The following MAP3K4 variants were observed in gnomAD, a reference collection of about 807,000 sequenced individuals.
MAP3K4 encodes the protein MAP three kinase 1.
A neutral mutation model predicts 185.6 loss-of-function variants in MAP3K4; 67 were observed. The ratio of observed to expected loss-of-function variants is 0.36; its 90% CI spans 0.30 to 0.44. MAP3K4 has a LOEUF of 0.44. Ranked by LOEUF, MAP3K4 falls within the 20% of genes least tolerant of loss-of-function variation. The pLI is 1.00. For missense variants in MAP3K4, 1,551 were observed against 1,995.1 expected (o/e 0.78, Z 4.24); for synonymous variants, 702 against 710.4 (o/e 0.99, Z 0.19).
chr6:161,107,475 G>A lies in MAP3K4; in HGVS notation c.4049-424G>A, dbSNP rs1009349846. 1.3e-5 allele frequency among the ~76,000 whole-genome samples: 2 copies of A among 152,294 alleles called. No homozygotes were observed. Among genetic ancestry groups the A allele is most frequent in the South Asian group, 2.1e-4 (1 of 4,814 alleles). On this transcript the variant is annotated intron_variant, in intron 20 of 26. Coordinates refer to ENST00000392142, the MANE Select transcript of MAP3K4 (RefSeq NM_005922.4). The surrounding 1 kb of genome is among the most constrained non-coding windows in gnomAD (Gnocchi z 6.2). ...GTCCCAGAAGGTATGTTAGGGGAAT[G>A]TTTGCTCCCACACACTCCTGGACAT...
At position 161,091,993 on chromosome 6, in the gene MAP3K4, A is replaced by G. The variant is rs777351159; in HGVS notation, c.3136-17A>G. On this transcript the variant is annotated splice_polypyrimidine_tract_variant and intron_variant, in intron 12 of 26. Transcript: ENST00000392142. The surrounding 1 kb of genome is among the most constrained non-coding windows in gnomAD (Gnocchi z 5.5). ...GATCATTTCCTTAATGTTGATATAC[A>G]TGAAATCTTCTTACAGTATCATAAA... The G allele has an allele frequency of 6.2e-7, 1 of 1,601,612 alleles. No homozygotes were observed.
rs1428180742 is a variant in MAP3K4 at position 161,073,044 on chromosome 6, G to T, written c.1951-422G>T. On this transcript the variant is annotated intron_variant, in intron 4 of 26. Coordinates refer to ENST00000392142, the MANE Select transcript of MAP3K4 (RefSeq NM_005922.4). This position sits in a 1 kb window ranked among gnomAD's most constrained non-coding sequence, Gnocchi z 4.2. ...AATTATTGCGAAGGCCACCTGCTTT[G>T]TGGTAAAAAGTACCTTTGAATCTTT... Among the ~76,000 whole-genome samples, 1 of 152,040 alleles carries T rather than the reference G, an allele frequency of 6.6e-6. No individual in the cohort carries two copies. Among genetic ancestry groups the T allele is most frequent in the African/African-American group, 2.4e-5 (1 of 41,414 alleles).
rs1471700127 is a variant in MAP3K4, at chr6:161,037,609, T to A, written c.343+3160T>A. Among the ~76,000 whole-genome samples the A allele has an allele frequency of 6.6e-6, 1 of 151,984 alleles. No homozygotes were observed. The highest frequency in any genetic ancestry group is 1.5e-5 in the Non-Finnish European group (1 of 67,976). The stretch of plus-strand genomic sequence containing the variant: ...AATTTTGTATTTTTGGTAGAGACGA[T>A]GTTTCGCTATGTTGGCCAGGCTGGT... On this transcript the variant is annotated intron_variant, in intron 2 of 26. Transcript: ENST00000392142. The surrounding 1 kb of genome is among the most constrained non-coding windows in gnomAD (Gnocchi z 4.2).
chr6:161,028,196 A>G (rs1005893558), intron 1 of MAP3K4, among the ~76,000 whole-genome samples: 2 of 152,142 alleles, frequency 1.3e-5, no homozygotes, highest in African/African-American at 4.8e-5. Flanking sequence ...CTGCCACAGT[A>G]TATTTTTTTT....
At chr6:161,068,377 G>A (rs1285874232) in intron 3 of MAP3K4, among the ~76,000 whole-genome samples, 4 of 152,176 alleles carry the variant, frequency 2.6e-5, no homozygotes, top group African/African-American at 9.7e-5. Context: ...AACACTGTCT[G>A]CAGATCAGAA....
rs546158409 is a variant in MAP3K4 at position 161,053,210 on chromosome 6, G to A, written c.1707+3231G>A. On this transcript the variant is annotated intron_variant, in intron 3 of 26. Coordinates refer to ENST00000392142, the MANE Select transcript of MAP3K4 (RefSeq NM_005922.4). The surrounding 1 kb of genome is among the most constrained non-coding windows in gnomAD (Gnocchi z 4.2). ...CAGGCACTTCTCATGGCTGGAGCAC[G>A]GGCAGGGTGAAGGTGCTCCATTCTT... is the stretch of plus-strand genomic sequence containing the variant. 7.2e-5 allele frequency among the ~76,000 whole-genome samples: 11 copies of A among 152,234 alleles called. No homozygotes were observed. Among genetic ancestry groups the A allele is most frequent in the East Asian group, 1.9e-4 (1 of 5,180 alleles).
intron 3 of MAP3K4, among the ~76,000 whole-genome samples, chr6:161,066,107 CTTTG>C (rs1468780668): frequency 6.6e-6 from 1 of 151,980 alleles, no homozygotes; most frequent in African/African-American, 2.4e-5. Context: ...TGGCTTTTCT[CTTTG>C]TTTGCTATTT....
At chr6:161,062,018 C>T (rs1050118576) in intron 3 of MAP3K4, among the ~76,000 whole-genome samples, 11 of 152,008 alleles carry the variant, frequency 7.2e-5, no homozygotes, top group Admixed American at 5.2e-4. Context: ...ATGTTTTATA[C>T]TTCTGTTTTT....
Position 161,093,921 on chromosome 6 carries a change from C to CA in MAP3K4, c.3427+71dup. 8.5e-7 allele frequency: 1 copy of CA among 1,178,940 alleles called. No individual in the cohort carries two copies. The highest frequency in any genetic ancestry group is 1.3e-6 in the Non-Finnish European group (1 of 796,946). 73.0% of individuals were successfully genotyped at this position (1,178,940 alleles called of 1,614,324 possible). On this transcript the variant is annotated intron_variant, in intron 15 of 26. Transcript: ENST00000392142. This position sits in a 1 kb window ranked among gnomAD's most constrained non-coding sequence, Gnocchi z 5.2. ...GAGTGGACAGATCCTCTTGTAATTG[C>CA]AGTCGTTTAAAATGGTATAAGAGGT...
In MAP3K4 at chr6:160,991,770, C is replaced by T. The variant is rs934263793; in HGVS notation, c.-162C>T. On this transcript the variant is annotated 5_prime_UTR_variant, in exon 1 of 27. Transcript: ENST00000392142. The surrounding 1 kb of genome is among the most constrained non-coding windows in gnomAD (Gnocchi z 5.7). ...CTCGCCGCCCACCGTAGCCCCGGCGCTCGGCCGGTCGCCGTTTCCAAGATG... is the reference window on the plus strand; with the variant it reads ...CTCGCCGCCCACCGTAGCCCCGGCGTTCGGCCGGTCGCCGTTTCCAAGATG... 2.9e-5 allele frequency: 22 copies of T among 761,680 alleles called. No homozygotes were observed. In the African/African-American group the frequency reaches 3.5e-4, roughly 12 times the overall value. The allele number at this position is 761,680 out of a possible 1,614,324, so 47.2% of individuals were successfully genotyped here.
At chr6:161,052,841 A>C (rs1037292225) in intron 3 of MAP3K4, among the ~76,000 whole-genome samples, 10 of 152,114 alleles carry the variant, frequency 6.6e-5, no homozygotes, top group Non-Finnish European at 1.2e-4. Context: ...ACAATTTTGA[A>C]GTCCATTAAC....
intron 3 of MAP3K4, among the ~76,000 whole-genome samples, chr6:161,057,945 A>G (rs543453669): frequency 6.6e-6 from 1 of 152,370 alleles, no homozygotes; most frequent in South Asian, 2.1e-4. Flanking sequence ...ATGTAATATC[A>G]CAGGTAGGAT....
intron 2 of MAP3K4, among the ~76,000 whole-genome samples, chr6:161,040,175 T>C (rs1783385437): frequency 6.6e-6 from 1 of 152,232 alleles, no homozygotes; most frequent in Non-Finnish European, 1.5e-5. Flanking sequence ...TTTAGCTGTT[T>C]AAATTTGCCT....
rs764923342 is a variant in MAP3K4 at position 161,086,607 on chromosome 6, C to T, written c.2496C>T (p.Phe832=). ...AGGACCTGGAAATAGCAGCAGAATT[C>T]AGGCTTTCAGCCCCAGTTAGAGACC... ...LRKDLEIAAE[F]RLSAPVRDLL... Residue 832 remains phenylalanine, a synonymous_variant, in exon 9 of 27, where the codon TTC becomes TTT. Coordinates refer to ENST00000392142, the MANE Select transcript of MAP3K4 (RefSeq NM_005922.4). The surrounding 1 kb of genome is among the most constrained non-coding windows in gnomAD (Gnocchi z 4.8). 2 of 1,614,068 alleles carry T rather than the reference C, an allele frequency of 1.2e-6. No individual in the cohort carries two copies. Among genetic ancestry groups the T allele is most frequent in the South Asian group, 2.2e-5 (2 of 91,048 alleles).
chr6:161,061,256 A>G lies in MAP3K4; in HGVS notation c.1708-9352A>G, dbSNP rs1784475393. Reference sequence around the variant, plus strand: ...ATACTGACTATATTCCAAAATAGACAATCATCTCAGTGTGATTACTGGAAA... The same window carrying G: ...ATACTGACTATATTCCAAAATAGACGATCATCTCAGTGTGATTACTGGAAA... On this transcript the variant is annotated intron_variant, in intron 3 of 26. Coordinates refer to ENST00000392142, the MANE Select transcript of MAP3K4 (RefSeq NM_005922.4). The surrounding 1 kb of genome is among the most constrained non-coding windows in gnomAD (Gnocchi z 4.2). Among the ~76,000 whole-genome samples, 1 of 152,228 alleles carries G rather than the reference A, an allele frequency of 6.6e-6. No individual in the cohort carries two copies. Among genetic ancestry groups the G allele is most frequent in the African/African-American group, 2.4e-5 (1 of 41,460 alleles).
chr6:161,025,657 T>C (rs1256141118), intron 1 of MAP3K4, among the ~76,000 whole-genome samples: 1 of 152,224 alleles, frequency 6.6e-6, no homozygotes, highest in Non-Finnish European at 1.5e-5. Context: ...AGAATGCCAA[T>C]GATATAGAAT....
rs1784149645 is a variant in MAP3K4, at chr6:161,054,497, T to G, written c.1707+4518T>G. Among the ~76,000 whole-genome samples, 1 of 152,214 alleles carries G rather than the reference T, an allele frequency of 6.6e-6. No individual in the cohort carries two copies. Among genetic ancestry groups the G allele is most frequent in the African/African-American group, 2.4e-5 (1 of 41,434 alleles). ...AAAACTTTATTAATATTTCAAAATA[T>G]TTTAAAAGAACTGAACTAGCAATAC... is the stretch of plus-strand genomic sequence containing the variant. On this transcript the variant is annotated intron_variant, in intron 3 of 26. Coordinates refer to ENST00000392142, the MANE Select transcript of MAP3K4 (RefSeq NM_005922.4). This position sits in a 1 kb window ranked among gnomAD's most constrained non-coding sequence, Gnocchi z 4.2.
At position 161,022,914 on chromosome 6, in the gene MAP3K4, A is replaced by G. The variant is rs1782469754; in HGVS notation, c.153-11345A>G. 6.6e-6 allele frequency among the ~76,000 whole-genome samples: 1 copy of G among 152,214 alleles called. No individual in the cohort carries two copies. The highest frequency in any genetic ancestry group is 2.4e-5 in the African/African-American group (1 of 41,460). ...AAGTACTCCGTGCCTAACGGTAGCA[A>G]TTATACTGTTACAGTGAAAATTCTT... On this transcript the variant is annotated intron_variant, in intron 1 of 26. Transcript: ENST00000392142. The surrounding 1 kb of genome is among the most constrained non-coding windows in gnomAD (Gnocchi z 4.2).
chr6:161,039,723 G>T (rs1783357860), intron 2 of MAP3K4, among the ~76,000 whole-genome samples: 1 of 152,132 alleles, frequency 6.6e-6, no homozygotes, highest in African/African-American at 2.4e-5. Context: ...TCTTAGTTTT[G>T]TAAAGATAAG....
Sources: gnomAD v4.1 joint callset for allele counts (sites outside exome capture counted in the v4.1 genomes callset) on GRCh38, gnomAD v4.1.1 for gene constraint, Gnocchi (gnomAD v3.1) non-coding constraint, MANE v1.5 for transcripts, NCBI Gene and HGNC (gene_info 2026-07-23, HGNC 2026-07-21) for gene names.